Variants in CADM1 observed in about 807,000 individuals in gnomAD.
CADM1 encodes TSLC-1.
In CADM1, 15 loss-of-function variants were observed where a neutral mutation model predicts 53.1. The observed-to-expected ratio is 0.28, with a 90% CI of 0.19 to 0.44. CADM1 has a LOEUF of 0.44. Among genes scored for constraint, CADM1 ranks in the 20% least tolerant of loss-of-function variants. The pLI is 1.00. For synonymous variants in CADM1, 281 were observed against 243.0 expected (o/e 1.16, Z -1.45); for missense variants, 434 against 611.3 (o/e 0.71, Z 3.06).
chr11:115,423,557 C>T (rs1052079122), intron 1 of CADM1, among the ~76,000 whole-genome samples: 6 of 152,068 alleles, frequency 3.9e-5, no homozygotes, highest in African/African-American at 9.7e-5. Flanking sequence ...GTTATCTATC[C>T]CCCCACCTTT....
At chr11:115,284,586 T>A (rs1215960328) in intron 1 of CADM1, among the ~76,000 whole-genome samples, 2 of 152,120 alleles carry the variant, frequency 1.3e-5, no homozygotes, top group Non-Finnish European at 2.9e-5. Context: ...TTCATGAAAG[T>A]TTACATACTG....
At chr11:115,334,023 T>C (rs1183644602) in intron 1 of CADM1, among the ~76,000 whole-genome samples, 4 of 152,174 alleles carry the variant, frequency 2.6e-5, no homozygotes, top group African/African-American at 7.2e-5. Context: ...TAAATGTTCA[T>C]TATGCATGAG....
At chr11:115,390,348 TGA>T (rs933398353) in intron 1 of CADM1, among the ~76,000 whole-genome samples, 1 of 147,766 alleles carries the variant, frequency 6.8e-6, no homozygotes, top group African/African-American at 2.5e-5. Flanking sequence ...TGATATTCAC[TGA>T]GAGAGAGGGA....
chr11:115,470,952 G>A lies in CADM1; in HGVS notation c.124+33319C>T, dbSNP rs144245412. Among the ~76,000 whole-genome samples the A allele has an allele frequency of 3.8e-3, 586 of 152,308 alleles. 1 individual carries two copies. The highest frequency in any genetic ancestry group is 0.013 in the African/African-American group (560 of 41,584). ...ACTGGTCCCCCTCTCTGCAGTACGT[G>A]CTCCCTTTCCTCGTGTCAGCAGAGG... On this transcript the variant is annotated intron_variant, in intron 1 of 11. Transcript: ENST00000331581.
intron 1 of CADM1, among the ~76,000 whole-genome samples, chr11:115,493,545 T>C (rs1444333512): frequency 6.6e-6 from 1 of 152,024 alleles, no homozygotes; most frequent in East Asian, 1.9e-4. Context: ...ATACACAAGG[T>C]TACTTATTAA....
chr11:115,295,536 ATATATATATATAT>A (rs1944045878), intron 1 of CADM1, among the ~76,000 whole-genome samples: 1 of 76,538 alleles, frequency 1.3e-5, no homozygotes, highest in Admixed American at 1.3e-4. Context: ...ATATATATAT[ATATATATATATAT>A]AATATATATG....
At chr11:115,265,349 C>T (rs1943105958) in intron 1 of CADM1, among the ~76,000 whole-genome samples, 1 of 152,222 alleles carries the variant, frequency 6.6e-6, no homozygotes, top group South Asian at 2.1e-4. Context: ...AGACCAGTAT[C>T]TGGCCCTTAG....
At chr11:115,444,157 C>T (rs958269703) in intron 1 of CADM1, among the ~76,000 whole-genome samples, 1 of 151,736 alleles carries the variant, frequency 6.6e-6, no homozygotes, top group Admixed American at 6.6e-5. Flanking sequence ...AAATCCCAAC[C>T]AACACTCAGC....
At chr11:115,301,499 G>C (rs1038339181) in intron 1 of CADM1, among the ~76,000 whole-genome samples, 1 of 152,108 alleles carries the variant, frequency 6.6e-6, no homozygotes, top group African/African-American at 2.4e-5. Context: ...AGTCTTTTGA[G>C]AGTGCATCAC....
chr11:115,377,482 T>G (rs1389914602), intron 1 of CADM1: 2 of 152,190 alleles, frequency 1.3e-5, no homozygotes, highest in African/African-American at 4.8e-5. Flanking sequence ...GGACTAAAAA[T>G]GTTTGCAAGA....
intron 1 of CADM1, among the ~76,000 whole-genome samples, chr11:115,425,943 G>A (rs1310970571): frequency 2.0e-5 from 3 of 152,246 alleles, no homozygotes; most frequent in East Asian, 3.9e-4. Flanking sequence ...TTAACTAGGC[G>A]CATCTAGGCC....
chr11:115,471,591 C>G (rs955617095), intron 1 of CADM1, among the ~76,000 whole-genome samples: 9 of 152,184 alleles, frequency 5.9e-5, no homozygotes, highest in Admixed American at 4.6e-4. Context: ...ACCCCAAAGG[C>G]TTGTTACACA....
intron 1 of CADM1, among the ~76,000 whole-genome samples, chr11:115,484,641 A>G (rs536040869): frequency 2.0e-5 from 3 of 152,238 alleles, no homozygotes; most frequent in African/African-American, 7.2e-5. Flanking sequence ...CTACAGTGAG[A>G]AATGGACTCC....
At chr11:115,337,345 T>G (rs1008288584) in intron 1 of CADM1, among the ~76,000 whole-genome samples, 2 of 152,136 alleles carry the variant, frequency 1.3e-5, no homozygotes, top group African/African-American at 2.4e-5. Flanking sequence ...TCCACATAAT[T>G]GTCTGTCTTC....
intron 1 of CADM1, among the ~76,000 whole-genome samples, chr11:115,456,395 C>T (rs1460771875): frequency 6.6e-6 from 1 of 151,628 alleles, no homozygotes; most frequent in Non-Finnish European, 1.5e-5. Flanking sequence ...AGAATAACTA[C>T]ACTTTAATTT....
At position 115,383,732 on chromosome 11, in the gene CADM1, A is replaced by G. The variant is rs1565398739; in HGVS notation, c.124+120539T>C. Reference sequence around the variant, plus strand: ...TAAAAATTGGGTTGGAATTTTAGAGAGTCTCTAACAGAGTTTCTTAGGAAT... The same window carrying G: ...TAAAAATTGGGTTGGAATTTTAGAGGGTCTCTAACAGAGTTTCTTAGGAAT... On this transcript the variant is annotated intron_variant, in intron 1 of 11. Coordinates refer to ENST00000331581, the MANE Select transcript of CADM1 (RefSeq NM_001301043.2). Among the ~76,000 whole-genome samples, 3 of 152,324 alleles carry G rather than the reference A, an allele frequency of 2.0e-5. No homozygotes were observed. In the South Asian group the frequency reaches 6.2e-4, roughly 32 times the overall value.
intron 1 of CADM1, among the ~76,000 whole-genome samples, chr11:115,264,296 C>T (rs1158067056): frequency 6.6e-6 from 1 of 152,108 alleles, no homozygotes; most frequent in Non-Finnish European, 1.5e-5. Context: ...TTATTAACAT[C>T]TGAAGGTTGA....
intron 1 of CADM1, among the ~76,000 whole-genome samples, chr11:115,413,744 A>G (rs1274359002): frequency 4.6e-5 from 7 of 150,760 alleles, no homozygotes; most frequent in African/African-American, 1.7e-4. Context: ...TCCAGGGTTT[A>G]AGTGATTCTC....
intron 1 of CADM1, among the ~76,000 whole-genome samples, chr11:115,297,886 T>C (rs1270513841): frequency 6.6e-6 from 1 of 152,248 alleles, no homozygotes; most frequent in Non-Finnish European, 1.5e-5. Context: ...GCTGCACTAA[T>C]GTGGAACAGC....
Sources: gnomAD v4.1 joint callset for allele counts (sites outside exome capture counted in the v4.1 genomes callset) on GRCh38, gnomAD v4.1.1 for gene constraint, MANE v1.5 for transcripts, NCBI Gene and HGNC (gene_info 2026-07-23, HGNC 2026-07-21) for gene names.